Variants in NTM observed in about 807,000 individuals in gnomAD.
NTM encodes the protein IgLON family member 2.
Under a neutral mutation model 42.1 loss-of-function variants are expected in NTM, and 13 were observed. The observed-to-expected ratio is 0.31, with a 90% confidence interval of 0.20 to 0.49. NTM has a LOEUF of 0.49. Ranked by LOEUF, NTM falls within the 20% of genes least tolerant of loss-of-function variation. The probability of loss-of-function intolerance (pLI) is 0.99; values close to 1 mark genes in which losing one functional copy is unlikely to be tolerated. For missense variants in NTM, 373 were observed against 452.8 expected (o/e 0.82, Z 1.60); for synonymous variants, 187 against 179.2 (o/e 1.04, Z -0.35).
chr11:132,249,329 C>T (rs1456462870), intron 4 of NTM, among the ~76,000 whole-genome samples: 1 of 152,044 alleles, frequency 6.6e-6, no homozygotes, highest in Non-Finnish European at 1.5e-5. Context: ...CCCTCATGAA[C>T]GTGGTGATCA....
chr11:131,828,581 G>A (rs75265970), intron 1 of NTM, among the ~76,000 whole-genome samples: 5,420 of 152,014 alleles, frequency 0.036, 318 homozygotes, highest in African/African-American at 0.12. Context: ...CACCTTCACA[G>A]TCATCACGAA....
chr11:131,812,192 C>CTG (rs201697805), intron 1 of NTM, among the ~76,000 whole-genome samples: 1,424 of 27,084 alleles, frequency 0.053, 15 homozygotes, highest in African/African-American at 0.11. Context: ...GCCTCTCTCT[C>CTG]TCTCTCTCTC....
At chr11:131,474,301 C>T (rs1253404846) in intron 1 of NTM, among the ~76,000 whole-genome samples, 1 of 152,276 alleles carries the variant, frequency 6.6e-6, no homozygotes, top group South Asian at 2.1e-4. Context: ...GTGGCCCATT[C>T]CCCTTTCCCA....
intron 3 of NTM, among the ~76,000 whole-genome samples, chr11:132,157,736 A>T (rs369925065): frequency 1.1e-4 from 17 of 152,270 alleles, no homozygotes; most frequent in African/African-American, 3.6e-4. Context: ...GATCTCTTGA[A>T]TTCTAGCCTT....
At chr11:131,966,033 C>A (rs1445891932) in intron 2 of NTM, among the ~76,000 whole-genome samples, 1 of 151,980 alleles carries the variant, frequency 6.6e-6, no homozygotes, top group Non-Finnish European at 1.5e-5. Context: ...TCCAGAAAAA[C>A]AAATTGCATT....
At chr11:131,675,150 T>C (rs1415488477) in intron 1 of NTM, among the ~76,000 whole-genome samples, 3 of 152,178 alleles carry the variant, frequency 2.0e-5, no homozygotes, top group African/African-American at 4.8e-5. Context: ...GAAGAGAGCA[T>C]TTATCTTTTC....
At chr11:132,302,691 C>T (rs943787307) in intron 4 of NTM, among the ~76,000 whole-genome samples, 1 of 152,126 alleles carries the variant, frequency 6.6e-6, no homozygotes, top group South Asian at 2.1e-4. Flanking sequence ...GGCCTTCAAT[C>T]GCATTGGAAA....
At chr11:132,227,313 TA>T (rs1195681509) in intron 4 of NTM, among the ~76,000 whole-genome samples, 3 of 152,192 alleles carry the variant, frequency 2.0e-5, no homozygotes, top group Admixed American at 6.5e-5. Context: ...AAAATGCACT[TA>T]TACACATGAG....
chr11:131,575,494 C>T lies in NTM; in HGVS notation c.82+204606C>T, dbSNP rs948431338. On this transcript the variant is annotated intron_variant, in intron 1 of 8. Transcript: ENST00000683400. ...TTTCCAATAGGACATCTAAGGAAAC[C>T]GAAGCATAGGAAGTGGCACAGTCTA... 9.9e-5 allele frequency among the ~76,000 whole-genome samples: 15 copies of T among 151,264 alleles called. No individual in the cohort carries two copies. The East Asian group carries it at 1.7e-3, about 18-fold the overall frequency.
intron 3 of NTM, among the ~76,000 whole-genome samples, chr11:132,158,515 C>T (rs2073665601): frequency 6.6e-6 from 1 of 152,136 alleles, no homozygotes; most frequent in South Asian, 2.1e-4. Flanking sequence ...CTGTTTCAAC[C>T]CCTCTAGAAC....
At position 131,689,865 on chromosome 11, in the gene NTM, A is replaced by G. The variant is rs542138108; in HGVS notation, c.83-221699A>G. On this transcript the variant is annotated intron_variant, in intron 1 of 8. Coordinates refer to ENST00000683400, the MANE Select transcript of NTM (RefSeq NM_001352005.2). ...CCTTCCAGAGAGACTCAGCAATACC[A>G]GTTATTACTGGTCGTATACCTATTA... is the stretch of plus-strand genomic sequence containing the variant. 1.1e-3 allele frequency among the ~76,000 whole-genome samples: 168 copies of G among 152,320 alleles called. 1 individual carries two copies. Among genetic ancestry groups the G allele is most frequent in the African/African-American group, 3.9e-3 (161 of 41,570 alleles).
At chr11:131,882,745 C>A (rs1342712102) in intron 1 of NTM, among the ~76,000 whole-genome samples, 1 of 152,170 alleles carries the variant, frequency 6.6e-6, no homozygotes, top group Non-Finnish European at 1.5e-5. Flanking sequence ...AACAAATATT[C>A]TCTGCTTATT....
intron 1 of NTM, among the ~76,000 whole-genome samples, chr11:131,743,903 C>T (rs1025638429): frequency 6.6e-6 from 1 of 152,120 alleles, no homozygotes; most frequent in Admixed American, 6.6e-5. Flanking sequence ...GGAACCTGGA[C>T]CAAATGTATA....
At chr11:131,560,356 A>C (rs934705672) in intron 1 of NTM, among the ~76,000 whole-genome samples, 5 of 152,210 alleles carry the variant, frequency 3.3e-5, no homozygotes, top group Middle Eastern at 3.2e-3. Flanking sequence ...AGAAATTTTG[A>C]TTCAAAAATA....
At chr11:132,297,997 C>T (rs1050797957) in intron 4 of NTM, among the ~76,000 whole-genome samples, 6 of 152,242 alleles carry the variant, frequency 3.9e-5, no homozygotes, top group African/African-American at 1.4e-4. Flanking sequence ...GGCTGCCCTG[C>T]TTCCCAAGGC....
chr11:131,621,497 C>T (rs1216754101), intron 1 of NTM, among the ~76,000 whole-genome samples: 1 of 151,854 alleles, frequency 6.6e-6, no homozygotes, highest in Non-Finnish European at 1.5e-5. Context: ...CAAGTGCCAC[C>T]CTGTCAAAGA....
At chr11:132,313,219 T>G (rs946943017) in intron 6 of NTM, among the ~76,000 whole-genome samples, 1 of 152,046 alleles carries the variant, frequency 6.6e-6, no homozygotes, top group African/African-American at 2.4e-5. Context: ...TATGTCTAAC[T>G]CCATAGAAAT....
intron 1 of NTM, among the ~76,000 whole-genome samples, chr11:131,557,331 AC>A (rs1261730883): frequency 6.6e-6 from 1 of 152,096 alleles, no homozygotes; most frequent in Non-Finnish European, 1.5e-5. Context: ...CTTCACCTCC[AC>A]CTGATCATTG....
At chr11:131,717,774 A>G (rs1402535651) in intron 1 of NTM, among the ~76,000 whole-genome samples, 2 of 152,088 alleles carry the variant, frequency 1.3e-5, no homozygotes, top group African/African-American at 4.8e-5. Context: ...ATGTGAATGG[A>G]GATTCTTGTC....
Sources: gnomAD v4.1 joint callset for allele counts (sites outside exome capture counted in the v4.1 genomes callset) on GRCh38, gnomAD v4.1.1 for gene constraint, MANE v1.5 for transcripts, NCBI Gene and HGNC (gene_info 2026-07-23, HGNC 2026-07-21) for gene names.